Variants in INPP5F observed in about 807,000 individuals in gnomAD.
INPP5F encodes the protein phosphatidylinositide 4-phosphatase SAC2.
A neutral mutation model predicts 137.2 loss-of-function variants in INPP5F; 97 were observed. The ratio of observed to expected loss-of-function variants is 0.71; its 90% CI spans 0.60 to 0.84. The LOEUF is 0.84. Among genes scored for constraint, INPP5F ranks in the 40% least tolerant of loss-of-function variants. The pLI, the probability that INPP5F is intolerant of heterozygous loss-of-function variation, is 0.00. For missense variants in INPP5F, 1,271 were observed against 1,371.9 expected (o/e 0.93, Z 1.16); for synonymous variants, 504 against 476.9 (o/e 1.06, Z -0.74).
At chr10:119,800,452 C>T (rs919983160) in intron 9 of INPP5F, among the ~76,000 whole-genome samples, 17 of 149,702 alleles carry the variant, frequency 1.1e-4, no homozygotes, top group East Asian at 2.0e-4. Context: ...CCTAGCTTCT[C>T]GGGAGGCTGA....
chr10:119,783,557 A>G (rs531313961), intron 3 of INPP5F, among the ~76,000 whole-genome samples: 45 of 152,332 alleles, frequency 3.0e-4, no homozygotes, highest in African/African-American at 1.1e-3. Flanking sequence ...CATGGCCACC[A>G]ATCTGTAACA....
At chr10:119,812,404 G>A (rs1332517576) in intron 15 of INPP5F, among the ~76,000 whole-genome samples, 3 of 147,688 alleles carry the variant, frequency 2.0e-5, no homozygotes, top group Non-Finnish European at 3.0e-5. Context: ...AACAAAAACC[G>A]GTTTCAAGTG....
chr10:119,810,103 G>T lies in INPP5F; in HGVS notation c.1573G>T (p.Asp525Tyr). 1 of 1,597,300 alleles carries T rather than the reference G, an allele frequency of 6.3e-7. No individual in the cohort carries two copies. Among genetic ancestry groups the T allele is most frequent in the South Asian group, 1.1e-5 (1 of 90,040 alleles). The change falls in exon 14 of 20, where the codon GAC becomes TAC. Residue 525 changes from aspartate (D) to tyrosine (Y), a missense_variant. This residue lies in a region of INPP5F where 593 missense variants were observed against 712.4 expected (regional missense o/e 0.83). Coordinates refer to ENST00000650623, the MANE Select transcript of INPP5F (RefSeq NM_014937.4). ...QYAGTAALKG[D>Y]FTRTGERKLA... ...AAAATCAGTTTTTGTTTGACAGGGT[G>T]ACTTTACAAGGACAGGAGAAAGGAA... is the stretch of plus-strand genomic sequence containing the variant.
At chr10:119,794,853 C>G (rs1278873665) in intron 6 of INPP5F, among the ~76,000 whole-genome samples, 1 of 99,708 alleles carries the variant, frequency 1.0e-5, no homozygotes, top group Non-Finnish European at 2.3e-5. Flanking sequence ...GGGGTCTGAC[C>G]CCCTCCCCAC....
chr10:119,787,043 C>T lies in INPP5F; in HGVS notation c.316-4474C>T, dbSNP rs1030169937. Among the ~76,000 whole-genome samples the T allele has an allele frequency of 5.3e-5, 8 of 152,124 alleles. No individual in the cohort carries two copies. The highest frequency in any genetic ancestry group is 4.2e-4 in the South Asian group (2 of 4,818). On this transcript the variant is annotated intron_variant, in intron 3 of 19. Transcript: ENST00000650623. The surrounding 1 kb of genome is among the most constrained non-coding windows in gnomAD (Gnocchi z 4.1). The stretch of plus-strand genomic sequence containing the variant: ...AAAGTGGTTCTGGAGCATTACCCCA[C>T]GATAAAACACATTAATGTTTCTTAA...
chr10:119,763,044 A>G (rs933824077), intron 2 of INPP5F, among the ~76,000 whole-genome samples: 2 of 152,240 alleles, frequency 1.3e-5, no homozygotes, highest in Admixed American at 6.5e-5. Flanking sequence ...GTGAAACCAT[A>G]CAAGTTATGT....
chr10:119,804,277 G>T lies in INPP5F; in HGVS notation c.1221G>T (p.Ser407=). ...ACAACTCACACCTCACTTACGTTTC[G>T]TTTGACTTCCATGAGCACTGGTAAG... is the stretch of plus-strand genomic sequence containing the variant. The part of the protein sequence containing the change: ...LFNNSHLTYV[S]FDFHEHCRGM... The change falls in exon 10 of 20, where the codon TCG becomes TCT. Residue 407 remains serine, a synonymous_variant. Transcript: ENST00000650623. The T allele has an allele frequency of 6.2e-7, 1 of 1,611,528 alleles. No individual in the cohort carries two copies. The highest frequency in any genetic ancestry group is 8.5e-7 in the Non-Finnish European group (1 of 1,179,464).
At chr10:119,730,270 T>G (rs975309526) in intron 1 of INPP5F, among the ~76,000 whole-genome samples, 1 of 152,146 alleles carries the variant, frequency 6.6e-6, no homozygotes, top group Non-Finnish European at 1.5e-5. Context: ...TCACCACGCC[T>G]GGCAAGTTTT....
chr10:119,806,584 C>A, intron 12 of INPP5F, 104 bp downstream of exon 12: 1 of 1,076,654 alleles, frequency 9.3e-7, no homozygotes, highest in Non-Finnish European at 1.3e-6. Context: ...ATATTCTTTA[C>A]AACATTTACA....
chr10:119,739,793 A>AT (rs35486509), intron 1 of INPP5F, among the ~76,000 whole-genome samples: 1 of 151,446 alleles, frequency 6.6e-6, no homozygotes, highest in Non-Finnish European at 1.5e-5. Flanking sequence ...AATTTTTTGT[A>AT]TTTTTTTGTA....
chr10:119,808,942 G>T (rs1850913302), intron 13 of INPP5F, among the ~76,000 whole-genome samples: 2 of 152,212 alleles, frequency 1.3e-5, no homozygotes. Context: ...TCCTGGTAAA[G>T]ACCAGGTACA....
chr10:119,800,012 C>T (rs72826429), intron 9 of INPP5F, among the ~76,000 whole-genome samples: 7,101 of 151,468 alleles, frequency 0.047, 237 homozygotes, highest in Non-Finnish European at 0.073. Flanking sequence ...ACTTTAAATT[C>T]GTTTTTATTA....
chr10:119,802,250 G>C (rs1589732318), intron 9 of INPP5F, among the ~76,000 whole-genome samples: 1 of 138,412 alleles, frequency 7.2e-6, no homozygotes, highest in Admixed American at 6.9e-5. Context: ...TCTCAAGACT[G>C]TGAAGGAACC....
At chr10:119,778,004 ATTAT>A (rs1299178051) in intron 2 of INPP5F, among the ~76,000 whole-genome samples, 1 of 151,822 alleles carries the variant, frequency 6.6e-6, no homozygotes, top group African/African-American at 2.4e-5. Context: ...TTTTATTTTT[ATTAT>A]TTATTTATTT....
chr10:119,729,494 C>G (rs1184062027), intron 1 of INPP5F, among the ~76,000 whole-genome samples: 2 of 151,822 alleles, frequency 1.3e-5, no homozygotes, highest in Non-Finnish European at 2.9e-5. Flanking sequence ...TGGAAAATCT[C>G]TGTCCATTTG....
At chr10:119,820,776 T>C (rs1851528715) in intron 15 of INPP5F, 70 bp from the exon 16 acceptor site, 29 of 1,287,516 alleles carry the variant, frequency 2.3e-5, no homozygotes, top group Non-Finnish European at 3.3e-5. Context: ...AGCTCTGCTG[T>C]AGAAATATGC....
At chr10:119,765,880 TAG>T (rs3065469) in intron 2 of INPP5F, among the ~76,000 whole-genome samples, 39,509 of 144,084 alleles carry the variant, frequency 0.27, 5,649 homozygotes, top group East Asian at 0.44. Flanking sequence ...TATATATATA[TAG>T]AGAGAGAGAG....
intron 2 of INPP5F, among the ~76,000 whole-genome samples, chr10:119,772,123 C>T (rs963115281): frequency 6.6e-6 from 1 of 151,578 alleles, no homozygotes; most frequent in Non-Finnish European, 1.5e-5. Flanking sequence ...TGGTCTGGAT[C>T]TCCTGACCTC....
At chr10:119,817,918 A>G (rs1443222175) in intron 15 of INPP5F, among the ~76,000 whole-genome samples, 1 of 152,200 alleles carries the variant, frequency 6.6e-6, no homozygotes, top group East Asian at 1.9e-4. Flanking sequence ...CCAGTACCTC[A>G]CTCACCTCAC....
Sources: gnomAD v4.1 joint callset for allele counts (sites outside exome capture counted in the v4.1 genomes callset) on GRCh38, gnomAD v4.1.1 for gene constraint, gnomAD v4.1.1 regional missense constraint, Gnocchi (gnomAD v3.1) non-coding constraint, MANE v1.5 for transcripts, NCBI Gene and HGNC (gene_info 2026-07-23, HGNC 2026-07-21) for gene names.